TRPM3: variants seen among roughly 807,000 people sequenced by gnomAD.
TRPM3 encodes the protein transient receptor potential cation channel subfamily M member 3.
Under a neutral mutation model 181.2 loss-of-function variants are expected in TRPM3, and 77 were observed. That is an observed-to-expected ratio of 0.42 (90% CI 0.35 to 0.51). TRPM3 has a LOEUF of 0.51. Among genes scored for constraint, TRPM3 ranks in the 20% least tolerant of loss-of-function variants. TRPM3 has a pLI of 0.01. For missense variants in TRPM3, 1,759 were observed against 2,196.7 expected (o/e 0.80, Z 3.98); for synonymous variants, 745 against 796.4 (o/e 0.94, Z 1.09).
At chr9:70,642,713 G>A (rs1002338678) in intron 9 of TRPM3, among the ~76,000 whole-genome samples, 2 of 152,200 alleles carry the variant, frequency 1.3e-5, no homozygotes, top group African/African-American at 4.8e-5. Flanking sequence ...TTCCCTCTGG[G>A]CTCTGAGATA....
intron 1 of TRPM3, among the ~76,000 whole-genome samples, chr9:71,165,917 T>C (rs1376615788): frequency 2.6e-5 from 4 of 152,250 alleles, no homozygotes; most frequent in East Asian, 3.9e-4. Context: ...CATTCGAAGA[T>C]AGAGTTGTCT....
chr9:70,665,301 A>T (rs1246339477), intron 9 of TRPM3, among the ~76,000 whole-genome samples: 1 of 152,100 alleles, frequency 6.6e-6, no homozygotes, highest in African/African-American at 2.4e-5. Flanking sequence ...AGGGTATTAG[A>T]CTTTGAAGAA....
chr9:70,676,312 C>G (rs1397491539), intron 9 of TRPM3, among the ~76,000 whole-genome samples: 2 of 152,162 alleles, frequency 1.3e-5, no homozygotes, highest in African/African-American at 4.8e-5. Flanking sequence ...TGTGGTCTGA[C>G]TTTATATTGA....
rs550174157 is a variant in TRPM3 at position 71,078,337 on chromosome 9, A to G, written c.177+42841T>C. On this transcript the variant is annotated intron_variant, in intron 1 of 25. Coordinates refer to ENST00000677713, the MANE Select transcript of TRPM3 (RefSeq NM_001366145.2). ...GAAATAAAGGAAGATGCAGAACAAT[A>G]TGTAAAGTATCTTCCCATGTGTATA... Among the ~76,000 whole-genome samples, 4 of 152,326 alleles carry G rather than the reference A, an allele frequency of 2.6e-5. No homozygotes were observed. The East Asian group carries it at 7.7e-4, about 29-fold the overall frequency.
At chr9:70,963,738 C>A (rs1159213056) in intron 1 of TRPM3, among the ~76,000 whole-genome samples, 2 of 152,078 alleles carry the variant, frequency 1.3e-5, no homozygotes, top group African/African-American at 4.8e-5. Context: ...TCAGACTGGG[C>A]ACCAAAATCT....
intron 1 of TRPM3, among the ~76,000 whole-genome samples, chr9:71,151,242 C>T (rs897930651): frequency 7.2e-5 from 11 of 151,868 alleles, no homozygotes; most frequent in African/African-American, 2.7e-4. Flanking sequence ...ATAATATTGG[C>T]AAATTCTATC....
chr9:70,842,509 T>G (rs1457113938), intron 5 of TRPM3, among the ~76,000 whole-genome samples: 1 of 152,160 alleles, frequency 6.6e-6, no homozygotes, highest in African/African-American at 2.4e-5. Flanking sequence ...AAAATTTTTG[T>G]GGCTCAGATA....
At chr9:70,799,902 C>T (rs2088392704) in intron 6 of TRPM3, among the ~76,000 whole-genome samples, 3 of 152,160 alleles carry the variant, frequency 2.0e-5, no homozygotes, top group Admixed American at 1.3e-4. Flanking sequence ...ACCTGCCTGA[C>T]TCTCTAGCTC....
chr9:71,335,471 TA>T (rs1383017892), intron 1 of TRPM3, among the ~76,000 whole-genome samples: 1 of 152,180 alleles, frequency 6.6e-6, no homozygotes, highest in Non-Finnish European at 1.5e-5. Flanking sequence ...AACACGCCCT[TA>T]TAATCTTCCT....
rs144207909 is a variant in TRPM3 at position 70,615,962 on chromosome 9, T to C, written c.2472A>G (p.Ala824=). The C allele has an allele frequency of 1.7e-3, 2,764 of 1,613,334 alleles. 7 individuals carry two copies. The highest frequency in any genetic ancestry group is 2.2e-3 in the South Asian group (202 of 90,858). Residue 824 remains alanine (A), a synonymous_variant, in exon 18 of 26, where the codon GCA becomes GCG. Coordinates refer to ENST00000677713, the MANE Select transcript of TRPM3 (RefSeq NM_001366145.2). ...AQEIHLQEKE[A]EEPEKPTKEK... ...CCTTTGTGGGCTTCTCTGGTTCTTC[T>C]GCCTCCTTCTCTTGGAGGTGGATTT...
chr9:70,900,474 C>A (rs1288208468), intron 1 of TRPM3, among the ~76,000 whole-genome samples: 3 of 152,008 alleles, frequency 2.0e-5, no homozygotes, highest in Admixed American at 6.5e-5. Context: ...AATAAATAGA[C>A]CAGAGCATTA....
intron 1 of TRPM3, among the ~76,000 whole-genome samples, chr9:71,402,059 G>A (rs780151156): frequency 3.9e-5 from 6 of 152,134 alleles, no homozygotes; most frequent in Admixed American, 6.6e-5. Context: ...AGCCAGCGAG[G>A]TTGAAATGAA....
chr9:71,068,469 C>A (rs983276380), intron 1 of TRPM3, among the ~76,000 whole-genome samples: 4 of 152,182 alleles, frequency 2.6e-5, no homozygotes, highest in Non-Finnish European at 4.4e-5. Context: ...AACCAGGTGG[C>A]AGTGGGACCA....
chr9:70,558,277 A>G (rs1442501175), intron 22 of TRPM3, among the ~76,000 whole-genome samples: 1 of 152,104 alleles, frequency 6.6e-6, no homozygotes, highest in Non-Finnish European at 1.5e-5. Flanking sequence ...AAACCATGCG[A>G]TTCTTTTTCT....
At chr9:70,969,756 TTATATATA>T (rs78938143) in intron 1 of TRPM3, among the ~76,000 whole-genome samples, 26 of 126,624 alleles carry the variant, frequency 2.1e-4, no homozygotes, top group African/African-American at 6.7e-4. Flanking sequence ...CTGAATGATT[TTATATATA>T]TATATATATA....
chr9:71,420,991 G>GAGAGAAAA lies in TRPM3; in HGVS notation c.183+25654_183+25661dup, dbSNP rs1563912574. On this transcript the variant is annotated intron_variant, in intron 1 of 24. Transcript: ENST00000357533. The stretch of plus-strand genomic sequence containing the variant: ...GGAGAGAAAAAGAGAGAGAAAAAGA[G>GAGAGAAAA]AGAGAAAAAGAGAGAAAAAGAGAGA... Among the ~76,000 whole-genome samples the GAGAGAAAA allele has an allele frequency of 2.3e-4, 29 of 127,390 alleles. 1 individual carries two copies. Among genetic ancestry groups the GAGAGAAAA allele is most frequent in the African/African-American group, 5.2e-4 (18 of 34,432 alleles). The allele number at this position is 127,390 out of a possible 152,430, so 83.6% of individuals were successfully genotyped here.
At chr9:71,174,808 A>G (rs1161285524) in intron 1 of TRPM3, among the ~76,000 whole-genome samples, 1 of 152,156 alleles carries the variant, frequency 6.6e-6, no homozygotes, top group African/African-American at 2.4e-5. Flanking sequence ...GATCCTGATG[A>G]TGAAAATGCA....
At chr9:71,206,281 C>T (rs1910600) in intron 1 of TRPM3, among the ~76,000 whole-genome samples, 64,838 of 151,678 alleles carry the variant, frequency 0.43, 14,216 homozygotes, top group East Asian at 0.51. Context: ...TTTTAGAGAT[C>T]GCCGTTCTAA....
At chr9:70,599,915 C>G (rs1445160968) in intron 20 of TRPM3, among the ~76,000 whole-genome samples, 1 of 152,194 alleles carries the variant, frequency 6.6e-6, no homozygotes, top group East Asian at 1.9e-4. Flanking sequence ...ATTCTTCTCT[C>G]TTTCCTAGAC....
Sources: gnomAD v4.1 joint callset for allele counts (sites outside exome capture counted in the v4.1 genomes callset) on GRCh38, gnomAD v4.1.1 for gene constraint, MANE v1.5 for transcripts, NCBI Gene and HGNC (gene_info 2026-07-23, HGNC 2026-07-21) for gene names.